The following ZMIZ1 variants were observed in gnomAD, a reference collection of about 807,000 sequenced individuals.
ZMIZ1 encodes zinc finger MIZ domain-containing protein 1.
Under a neutral mutation model 113.9 loss-of-function variants are expected in ZMIZ1, and 17 were observed. The observed-to-expected ratio is 0.15, with a 90% confidence interval of 0.10 to 0.22. The LOEUF is 0.22. Among genes scored for constraint, ZMIZ1 ranks in the 10% least tolerant of loss-of-function variants. The probability of loss-of-function intolerance (pLI) is 1.00; values close to 1 mark genes in which losing one functional copy is unlikely to be tolerated. For synonymous variants in ZMIZ1, 607 were observed against 603.1 expected (o/e 1.01, Z -0.09); for missense variants, 1,059 against 1,477.8 (o/e 0.72, Z 4.65).
intron 4 of ZMIZ1, among the ~76,000 whole-genome samples, chr10:79,171,844 G>A (rs1236514780): frequency 6.6e-6 from 1 of 152,120 alleles, no homozygotes; most frequent in African/African-American, 2.4e-5. Flanking sequence ...GCACACACCT[G>A]GCCCTGTCCT....
At chr10:79,269,694 A>G (rs944667911) in intron 7 of ZMIZ1, among the ~76,000 whole-genome samples, 26 of 152,060 alleles carry the variant, frequency 1.7e-4, no homozygotes, top group Non-Finnish European at 2.4e-4. Context: ...GCTGTCATCC[A>G]TTCCTGACCG....
At chr10:79,181,952 T>G (rs1564703299) in intron 4 of ZMIZ1, among the ~76,000 whole-genome samples, 1 of 152,136 alleles carries the variant, frequency 6.6e-6, no homozygotes, top group African/African-American at 2.4e-5. Flanking sequence ...GATTACAGGT[T>G]TGGGGCTGCA....
In ZMIZ1 at chr10:79,291,013, C is replaced by T. The variant is rs1226022539; in HGVS notation, c.595C>T (p.Pro199Ser). The change falls in exon 10 of 25, where the codon CCC becomes TCC. Residue 199 changes from proline (P) to serine (S), a missense_variant. Around this residue, in one of 6 missense-constraint regions of ZMIZ1, gnomAD observed 272 missense variants for 350.4 expected, o/e 0.78. Coordinates refer to ENST00000334512, the MANE Select transcript of ZMIZ1 (RefSeq NM_020338.4). Reference protein sequence around the residue: ...ANNPMNPGGNPMASGMTTSNP... With the variant: ...ANNPMNPGGNSMASGMTTSNP... ...CAACCCCATGAATCCAGGCGGCAAC[C>T]CCATGGCGTCGGGCATGACCACCAG... 6.2e-7 allele frequency: 1 copy of T among 1,614,256 alleles called. No individual in the cohort carries two copies. Among genetic ancestry groups the T allele is most frequent in the East Asian group, 2.2e-5 (1 of 44,888 alleles).
chr10:79,205,725 G>C (rs1848291169), intron 5 of ZMIZ1, among the ~76,000 whole-genome samples: 1 of 152,148 alleles, frequency 6.6e-6, no homozygotes, highest in Non-Finnish European at 1.5e-5. Context: ...TATCTCACTA[G>C]ATCACTTTGT....
At chr10:79,209,209 A>G (rs1420509777) in intron 6 of ZMIZ1, among the ~76,000 whole-genome samples, 2 of 145,562 alleles carry the variant, frequency 1.4e-5, no homozygotes, top group Non-Finnish European at 2.9e-5. Flanking sequence ...TCGGGGCACA[A>G]GCAGCAGAGG....
rs747966857 is a variant in ZMIZ1 at position 79,296,150 on chromosome 10, A to T, written c.1231-321A>T. On this transcript the variant is annotated intron_variant, in intron 12 of 24. Transcript: ENST00000334512. The surrounding 1 kb of genome is among the most constrained non-coding windows in gnomAD (Gnocchi z 4.1). Reference sequence around the variant, plus strand: ...AGCCCTAACCCAGGCACCAGGAGAGACACAAAGGTCGGGGGAGTTAGAATC... The same window carrying T: ...AGCCCTAACCCAGGCACCAGGAGAGTCACAAAGGTCGGGGGAGTTAGAATC... 1 of 370,894 alleles carries T rather than the reference A, an allele frequency of 2.7e-6. No homozygotes were observed. The highest frequency in any genetic ancestry group is 5.0e-6 in the Non-Finnish European group (1 of 201,946). 23.0% of individuals were successfully genotyped at this position (370,894 alleles called of 1,614,324 possible).
At chr10:79,123,254 AT>A (rs1289360935) in intron 2 of ZMIZ1, among the ~76,000 whole-genome samples, 2 of 152,192 alleles carry the variant, frequency 1.3e-5, no homozygotes, top group Admixed American at 6.5e-5. Context: ...ATGCTGGCAG[AT>A]TGCGGCTGTG....
intron 7 of ZMIZ1, among the ~76,000 whole-genome samples, chr10:79,234,815 C>T (rs1203390090): frequency 6.6e-6 from 1 of 152,194 alleles, no homozygotes; most frequent in Non-Finnish European, 1.5e-5. Context: ...GACATTTCTT[C>T]TTGGAGCCTA....
chr10:79,309,167 C>T (rs745968777), intron 23 of ZMIZ1, among the ~76,000 whole-genome samples: 19 of 152,234 alleles, frequency 1.2e-4, no homozygotes, highest in East Asian at 1.9e-4. Context: ...CTGGCCAGAG[C>T]GCTCTATCCA....
chr10:79,208,665 A>G (rs1589426119), intron 6 of ZMIZ1, among the ~76,000 whole-genome samples: 1 of 152,176 alleles, frequency 6.6e-6, no homozygotes, highest in African/African-American at 2.4e-5. Context: ...CACAGTCCCT[A>G]GGGATTGTGT....
intron 7 of ZMIZ1, among the ~76,000 whole-genome samples, chr10:79,245,851 ACTCAGTAGCCACCGAAGG>A: frequency 6.6e-6 from 1 of 150,874 alleles, no homozygotes; most frequent in East Asian, 2.2e-4. Flanking sequence ...ACATTCAAGC[ACTCAGTAGCCACCGAAGG>A]CTGGTAGCCG....
intron 4 of ZMIZ1, among the ~76,000 whole-genome samples, chr10:79,182,420 G>C (rs757534554): frequency 1.3e-5 from 2 of 152,136 alleles, no homozygotes; most frequent in Non-Finnish European, 2.9e-5. Context: ...CCTGCTTCTC[G>C]AGAGAGCTCT....
chr10:79,122,623 C>A (rs1449365593), intron 2 of ZMIZ1, among the ~76,000 whole-genome samples: 1 of 152,186 alleles, frequency 6.6e-6, no homozygotes, highest in Non-Finnish European at 1.5e-5. Context: ...CTCTGTGATA[C>A]CTTCAGTAGC....
At chr10:79,229,756 A>G (rs916678298) in intron 7 of ZMIZ1, among the ~76,000 whole-genome samples, 1 of 152,178 alleles carries the variant, frequency 6.6e-6, no homozygotes, top group South Asian at 2.1e-4. Context: ...GGACATGCTT[A>G]GGAAAAGATG....
rs1275580858 is a variant in ZMIZ1 at position 79,189,357 on chromosome 10, G to A, written c.-49-12227G>A. Among the ~76,000 whole-genome samples, 5 of 152,150 alleles carry A rather than the reference G, an allele frequency of 3.3e-5. No individual in the cohort carries two copies. In the East Asian group the frequency reaches 7.7e-4, roughly 23 times the overall value. On this transcript the variant is annotated intron_variant, in intron 4 of 24. Coordinates refer to ENST00000334512, the MANE Select transcript of ZMIZ1 (RefSeq NM_020338.4). Reference sequence around the variant, plus strand: ...TGTCACGCAGGCACCCAAGTCTCTGGCTCCAGCTTCCTTCTGCCTCTGATG... The same window carrying A: ...TGTCACGCAGGCACCCAAGTCTCTGACTCCAGCTTCCTTCTGCCTCTGATG...
chr10:79,137,740 ATC>A (rs1845066567), intron 2 of ZMIZ1, among the ~76,000 whole-genome samples: 1 of 151,802 alleles, frequency 6.6e-6, no homozygotes, highest in African/African-American at 2.4e-5. Flanking sequence ...TACTAGACCC[ATC>A]TCTCTCCGAG....
chr10:79,125,757 G>A (rs774204001), intron 2 of ZMIZ1, among the ~76,000 whole-genome samples: 1 of 152,226 alleles, frequency 6.6e-6, no homozygotes, highest in Non-Finnish European at 1.5e-5. Context: ...CTCGTGTTGG[G>A]AGGAGTGGTC....
chr10:79,121,768 G>A (rs1389131590), intron 2 of ZMIZ1, among the ~76,000 whole-genome samples: 3 of 152,146 alleles, frequency 2.0e-5, no homozygotes, highest in Non-Finnish European at 2.9e-5. Context: ...AAGGATCCCC[G>A]GGAGGTGATA....
intron 1 of ZMIZ1, among the ~76,000 whole-genome samples, chr10:79,114,506 C>CGCGTGTGT (rs1554852495): frequency 1.1e-5 from 1 of 93,192 alleles, no homozygotes; most frequent in African/African-American, 4.7e-5. Flanking sequence ...TGTGTGTGTG[C>CGCGTGTGT]GTGTGTGTGT....
Sources: gnomAD v4.1 joint callset for allele counts (sites outside exome capture counted in the v4.1 genomes callset) on GRCh38, gnomAD v4.1.1 for gene constraint, gnomAD v4.1.1 regional missense constraint, Gnocchi (gnomAD v3.1) non-coding constraint, MANE v1.5 for transcripts, NCBI Gene and HGNC (gene_info 2026-07-23, HGNC 2026-07-21) for gene names.